PIEZO2: variants seen among roughly 807,000 people sequenced by gnomAD.
PIEZO2 encodes the protein piezo type mechanosensitive ion channel component 2.
Under a neutral mutation model 337.3 loss-of-function variants are expected in PIEZO2, and 172 were observed. The observed-to-expected ratio is 0.51, with a 90% confidence interval of 0.45 to 0.58. The LOEUF (loss-of-function observed/expected upper bound fraction) is 0.58. PIEZO2 is among the 20% of genes least tolerant of loss of function. PIEZO2 has a pLI of 0.00. For synonymous variants in PIEZO2, 1,251 were observed against 1,228.5 expected (o/e 1.02, Z -0.38); for missense variants, 3,028 against 3,391.3 (o/e 0.89, Z 2.66).
chr18:10,972,535 A>AG (rs2034283186), intron 3 of PIEZO2, among the ~76,000 whole-genome samples: 1 of 152,156 alleles, frequency 6.6e-6, no homozygotes, highest in Admixed American at 6.5e-5. Context: ...ACTCAGGGTC[A>AG]CTAAAGACAC....
rs1169503827 is a variant in PIEZO2 at position 10,980,468 on chromosome 18, G to A, written c.161-808C>T. ...CCACCAGTATCAGAGAATGATCAAG[G>A]CCACTTGATATGAATGCCACTAATT... On this transcript the variant is annotated intron_variant, in intron 2 of 55. Transcript: ENST00000674853. This position sits in a 1 kb window ranked among gnomAD's most constrained non-coding sequence, Gnocchi z 4.8. 6.6e-6 allele frequency among the ~76,000 whole-genome samples: 1 copy of A among 152,120 alleles called. No homozygotes were observed. Among genetic ancestry groups the A allele is most frequent in the East Asian group, 1.9e-4 (1 of 5,194 alleles).
intron 7 of PIEZO2, among the ~76,000 whole-genome samples, chr18:10,836,907 T>G (rs2041032127): frequency 6.6e-6 from 1 of 152,196 alleles, no homozygotes; most frequent in Non-Finnish European, 1.5e-5. Flanking sequence ...GTTCCATTAT[T>G]AATATTTGGT....
chr18:10,885,193 G>A (rs1191957112), intron 4 of PIEZO2, among the ~76,000 whole-genome samples: 1 of 152,174 alleles, frequency 6.6e-6, no homozygotes, highest in Non-Finnish European at 1.5e-5. Context: ...GGGAGGCCGA[G>A]GCGGGCGGAT....
chr18:11,082,927 T>C (rs1178034949), intron 1 of PIEZO2, among the ~76,000 whole-genome samples: 1 of 152,230 alleles, frequency 6.6e-6, no homozygotes, highest in Non-Finnish European at 1.5e-5. Context: ...TCTATCATAT[T>C]ATATTAAACA....
At chr18:10,702,516 A>G (rs1173967002) in intron 42 of PIEZO2, among the ~76,000 whole-genome samples, 1 of 152,200 alleles carries the variant, frequency 6.6e-6, no homozygotes, top group Non-Finnish European at 1.5e-5. Flanking sequence ...TATTAAATAT[A>G]TTATTTAGGG....
intron 4 of PIEZO2, among the ~76,000 whole-genome samples, chr18:10,880,726 A>G (rs181343291): frequency 1.5e-4 from 22 of 151,566 alleles, no homozygotes; most frequent in Admixed American, 9.9e-4. Flanking sequence ...AAACTTAAAT[A>G]TGACTCTGAT....
Position 11,125,178 on chromosome 18 carries a change from A to G in PIEZO2, c.64+23347T>C, listed in dbSNP as rs1159381743. Among the ~76,000 whole-genome samples, 1 of 152,212 alleles carries G rather than the reference A, an allele frequency of 6.6e-6. No homozygotes were observed. The highest frequency in any genetic ancestry group is 2.4e-5 in the African/African-American group (1 of 41,458). ...CACACACACACACACATGCACACATACAAAATACACACACCGTCTATCCTG... is the reference window on the plus strand; with the variant it reads ...CACACACACACACACATGCACACATGCAAAATACACACACCGTCTATCCTG... On this transcript the variant is annotated intron_variant, in intron 1 of 55. Transcript: ENST00000674853. This position sits in a 1 kb window ranked among gnomAD's most constrained non-coding sequence, Gnocchi z 4.4.
rs1174376978 is a variant in PIEZO2 at position 10,857,221 on chromosome 18, T to C, written c.493-10A>G. The stretch of plus-strand genomic sequence containing the variant: ...TTTTTTCTCCTTCAGCCTAAATAAA[T>C]GACAAACAGGAAACACTCAAGTCCA... On this transcript the variant is annotated splice_polypyrimidine_tract_variant and intron_variant, in intron 5 of 55. Transcript: ENST00000674853. The C allele has an allele frequency of 9.8e-6, 15 of 1,536,652 alleles. No homozygotes were observed. The highest frequency in any genetic ancestry group is 1.2e-5 in the Non-Finnish European group (14 of 1,146,380).
At chr18:10,880,954 A>G (rs2042404186) in intron 4 of PIEZO2, among the ~76,000 whole-genome samples, 1 of 143,818 alleles carries the variant, frequency 7.0e-6, no homozygotes, top group Non-Finnish European at 1.5e-5. Context: ...CTCATATAGC[A>G]AGTCATGTGT....
intron 15 of PIEZO2, 32 bp from the exon 16 acceptor site, chr18:10,787,216 G>GA (rs2039255544): frequency 4.7e-6 from 7 of 1,479,160 alleles, no homozygotes; most frequent in Admixed American, 5.2e-5. Flanking sequence ...AAAAAAATGA[G>GA]AAAAAATCAC....
chr18:10,855,636 C>A lies in PIEZO2; in HGVS notation c.704-70G>T. On this transcript the variant is annotated intron_variant, in intron 6 of 55. Coordinates refer to ENST00000674853, the MANE Select transcript of PIEZO2 (RefSeq NM_001378183.1). The surrounding 1 kb of genome is among the most constrained non-coding windows in gnomAD (Gnocchi z 4.9). ...TTCACTTATCATTCAGTGAATGTGA[C>A]TATTTGAAATTATGTGAATTTCCTT... is the stretch of plus-strand genomic sequence containing the variant. 1.7e-6 allele frequency: 2 copies of A among 1,209,832 alleles called. No homozygotes were observed. Among genetic ancestry groups the A allele is most frequent in the Admixed American group, 2.4e-5 (1 of 41,192 alleles). The allele number at this position is 1,209,832 out of a possible 1,614,324, so 74.9% of individuals were successfully genotyped here. A position where few individuals can be genotyped will look rare whatever the true frequency, so the allele number is the denominator to read the frequency against.
In PIEZO2 at chr18:11,105,128, G is replaced by T. The variant is rs2039523145; in HGVS notation, c.65-38906C>A. On this transcript the variant is annotated intron_variant, in intron 1 of 55. Transcript: ENST00000674853. The surrounding 1 kb of genome is among the most constrained non-coding windows in gnomAD (Gnocchi z 4.3). ...AACATAGCCAAGAAATGGAGAAGGG[G>T]AGTGAGGTTTGGGTCCCAGGCCTTG... is the stretch of plus-strand genomic sequence containing the variant. Among the ~76,000 whole-genome samples the T allele has an allele frequency of 6.6e-6, 1 of 152,218 alleles. No homozygotes were observed. Among genetic ancestry groups the T allele is most frequent in the African/African-American group, 2.4e-5 (1 of 41,458 alleles).
At position 11,102,853 on chromosome 18, in the gene PIEZO2, G is replaced by A. The variant is rs140272304; in HGVS notation, c.65-36631C>T. On this transcript the variant is annotated intron_variant, in intron 1 of 55. Coordinates refer to ENST00000674853, the MANE Select transcript of PIEZO2 (RefSeq NM_001378183.1). This position sits in a 1 kb window ranked among gnomAD's most constrained non-coding sequence, Gnocchi z 5.7. The stretch of plus-strand genomic sequence containing the variant: ...GGCCTCCTCTCCCTCCCAGGAGGCT[G>A]CCCCGTCCCCAAGGCACAGCACTTT... Among the ~76,000 whole-genome samples the A allele has an allele frequency of 1.3e-5, 2 of 152,180 alleles. No individual in the cohort carries two copies. The highest frequency in any genetic ancestry group is 2.9e-5 in the Non-Finnish European group (2 of 68,022).
intron 36 of PIEZO2, among the ~76,000 whole-genome samples, chr18:10,721,882 G>A (rs972048110): frequency 6.6e-6 from 1 of 152,188 alleles, no homozygotes. Context: ...GTAGCCAGGT[G>A]CGGTGGCTCA....
At chr18:10,897,154 G>A (rs2042922805) in intron 4 of PIEZO2, among the ~76,000 whole-genome samples, 1 of 151,926 alleles carries the variant, frequency 6.6e-6, no homozygotes, top group Non-Finnish European at 1.5e-5. Flanking sequence ...CCTCCATATG[G>A]TTCTCATGGT....
At chr18:11,025,948 T>G (rs924436116) in intron 2 of PIEZO2, among the ~76,000 whole-genome samples, 1 of 152,108 alleles carries the variant, frequency 6.6e-6, no homozygotes, top group Non-Finnish European at 1.5e-5. Flanking sequence ...GCCCCAGGAA[T>G]CACCTAATCC....
chr18:10,812,503 T>C (rs528077431), intron 7 of PIEZO2, among the ~76,000 whole-genome samples: 1 of 151,526 alleles, frequency 6.6e-6, no homozygotes, highest in South Asian at 2.1e-4. Context: ...AACCTGAACA[T>C]GTACCTCTGA....
intron 3 of PIEZO2, among the ~76,000 whole-genome samples, chr18:10,944,270 A>T (rs1023141899): frequency 2.6e-5 from 4 of 152,076 alleles, no homozygotes; most frequent in Admixed American, 6.6e-5. Context: ...ATACAACATG[A>T]AGGACAGAGT....
intron 2 of PIEZO2, among the ~76,000 whole-genome samples, chr18:11,050,672 G>C (rs1298458038): frequency 1.3e-5 from 2 of 151,954 alleles, no homozygotes; most frequent in South Asian, 2.1e-4. Flanking sequence ...GGTTACAAAA[G>C]TTAACTTGAT....
Sources: allele counts gnomAD v4.1 joint callset (sites outside exome capture counted in the v4.1 genomes callset), GRCh38; gene constraint gnomAD v4.1.1; non-coding constraint Gnocchi (gnomAD v3.1); transcripts MANE v1.5; gene names NCBI Gene and HGNC (gene_info 2026-07-23, HGNC 2026-07-21).